Variants in ASIC2 observed in about 807,000 individuals in gnomAD.
The protein encoded by ASIC2 is acid sensing ion channel subunit 2.
In ASIC2, 25 loss-of-function variants were observed where a neutral mutation model predicts 57.3. The observed-to-expected ratio is 0.44, with a 90% CI of 0.32 to 0.61. The LOEUF is 0.61. ASIC2 is among the 20% of genes least tolerant of loss of function. ASIC2 has a pLI of 0.06. For missense variants in ASIC2, 641 were observed against 738.1 expected (o/e 0.87, Z 1.52); for synonymous variants, 319 against 307.5 (o/e 1.04, Z -0.39).
Position 33,158,932 on chromosome 17 carries a change from CTT to C in ASIC2, c.709-46867_709-46866del, listed in dbSNP as rs369354627. Among the ~76,000 whole-genome samples the C allele has an allele frequency of 4.1e-4, 63 of 152,304 alleles. 1 individual carries two copies. The East Asian group carries it at 9.3e-3, about 22-fold the overall frequency. On this transcript the variant is annotated intron_variant, in intron 1 of 9. Coordinates refer to ENST00000225823, the MANE Select transcript of ASIC2 (RefSeq NM_183377.2). ...ATGTGTTGCTGGAGTTTACTGAAGA[CTT>C]TAATTTGGCATTCTAGCACAAAAGT...
At chr17:33,652,240 C>T (rs948163323) in intron 1 of ASIC2, among the ~76,000 whole-genome samples, 1 of 152,196 alleles carries the variant, frequency 6.6e-6, no homozygotes, top group African/African-American at 2.4e-5. Flanking sequence ...GGGCAGGAGA[C>T]TAATCCAAAA....
At position 34,066,108 on chromosome 17, in the gene ASIC2, C is replaced by T. The variant is rs191330216; in HGVS notation, c.555+89870G>A. On this transcript the variant is annotated intron_variant, in intron 1 of 9. Transcript: ENST00000359872. ...AGTCTCAGTTCACACTCTTAACTAC[C>T]GGACATGGTGCCTTTAGAATAACTA... Among the ~76,000 whole-genome samples, 16 of 152,200 alleles carry T rather than the reference C, an allele frequency of 1.1e-4. 1 individual carries two copies. Among genetic ancestry groups the T allele is most frequent in the South Asian group, 4.2e-4 (2 of 4,812 alleles).
chr17:33,094,136 T>C (rs780948384), intron 2 of ASIC2, among the ~76,000 whole-genome samples: 7 of 152,154 alleles, frequency 4.6e-5, no homozygotes, highest in Non-Finnish European at 7.4e-5. Flanking sequence ...GTGCTACGGG[T>C]TTGACTTGCA....
At chr17:33,164,576 G>GTGCACA (rs1905252483) in intron 1 of ASIC2, among the ~76,000 whole-genome samples, 1 of 149,782 alleles carries the variant, frequency 6.7e-6, no homozygotes, top group Non-Finnish European at 1.5e-5. Context: ...GCACATGCAC[G>GTGCACA]CACACACACA....
intron 1 of ASIC2, among the ~76,000 whole-genome samples, chr17:33,365,250 G>A (rs555962204): frequency 7.9e-5 from 12 of 152,266 alleles, no homozygotes; most frequent in South Asian, 6.2e-4. Context: ...CTGACACTCT[G>A]AAGTGTTCCT....
chr17:33,786,719 G>A (rs969843079), intron 1 of ASIC2, among the ~76,000 whole-genome samples: 1 of 152,128 alleles, frequency 6.6e-6, no homozygotes, highest in Non-Finnish European at 1.5e-5. Flanking sequence ...TAAGCCCTGG[G>A]TCATTTTGCT....
At chr17:33,643,860 C>T (rs892678838) in intron 1 of ASIC2, among the ~76,000 whole-genome samples, 16 of 152,082 alleles carry the variant, frequency 1.1e-4, no homozygotes, top group South Asian at 1.0e-3. Flanking sequence ...GTGATAATGA[C>T]GCTCAGTAAT....
chr17:34,117,071 C>T (rs1358732387), intron 1 of ASIC2, among the ~76,000 whole-genome samples: 2 of 151,642 alleles, frequency 1.3e-5, no homozygotes, highest in African/African-American at 4.9e-5. Flanking sequence ...GGAAAGTGTG[C>T]ACACACACAG....
intron 1 of ASIC2, among the ~76,000 whole-genome samples, chr17:33,137,027 G>A (rs1210856536): frequency 6.6e-6 from 1 of 152,166 alleles, no homozygotes; most frequent in East Asian, 1.9e-4. Context: ...TGACAGTCCT[G>A]TTCTAAAGCA....
At chr17:33,991,933 C>T (rs1182172538) in intron 1 of ASIC2, among the ~76,000 whole-genome samples, 1 of 152,134 alleles carries the variant, frequency 6.6e-6, no homozygotes, top group Non-Finnish European at 1.5e-5. Context: ...TGGTGTTCCT[C>T]ATATTAGTAT....
intron 3 of ASIC2, among the ~76,000 whole-genome samples, chr17:33,088,574 A>AT (rs200724635): frequency 2.5e-4 from 38 of 151,790 alleles, no homozygotes; most frequent in Admixed American, 1.1e-3. Flanking sequence ...AAAAAAAAAA[A>AT]TTTTTTTTAA....
intron 1 of ASIC2, chr17:33,131,619 C>T (rs1958481885): frequency 6.6e-6 from 1 of 152,262 alleles, no homozygotes; most frequent in South Asian, 2.1e-4. Flanking sequence ...GCAGGGTAAA[C>T]AGACAGATGC....
chr17:33,531,222 T>C (rs923780452), intron 1 of ASIC2, among the ~76,000 whole-genome samples: 4 of 152,028 alleles, frequency 2.6e-5, no homozygotes, highest in African/African-American at 9.7e-5. Context: ...GACAAGATCA[T>C]AGAACTCCTG....
chr17:33,868,181 A>ATGTGTG (rs142553706), intron 1 of ASIC2, among the ~76,000 whole-genome samples: 6 of 150,236 alleles, frequency 4.0e-5, no homozygotes, highest in African/African-American at 1.5e-4. Context: ...CAACAAATGT[A>ATGTGTG]TGTGTGTGTG....
At chr17:33,186,997 A>G (rs1248494086) in intron 1 of ASIC2, among the ~76,000 whole-genome samples, 2 of 152,194 alleles carry the variant, frequency 1.3e-5, no homozygotes, top group Non-Finnish European at 2.9e-5. Flanking sequence ...GGTTGGACTG[A>G]GAAGAAGCTC....
chr17:33,433,456 C>T (rs1455446901), intron 1 of ASIC2, among the ~76,000 whole-genome samples: 3 of 152,160 alleles, frequency 2.0e-5, no homozygotes. Flanking sequence ...GGGTATTAGG[C>T]TTAATACCTT....
intron 1 of ASIC2, among the ~76,000 whole-genome samples, chr17:34,100,035 C>T (rs1470729861): frequency 6.6e-6 from 1 of 152,130 alleles, no homozygotes; most frequent in African/African-American, 2.4e-5. Context: ...GCAAGGTGAT[C>T]TCCTCTGACC....
intron 2 of ASIC2, among the ~76,000 whole-genome samples, chr17:33,111,557 T>C (rs2092258184): frequency 6.6e-6 from 1 of 152,130 alleles, no homozygotes; most frequent in Admixed American, 6.5e-5. Context: ...GGTCGGGATA[T>C]TCAGGATGAC....
intron 1 of ASIC2, among the ~76,000 whole-genome samples, chr17:33,862,192 C>T (rs1371825216): frequency 6.6e-6 from 1 of 152,172 alleles, no homozygotes; most frequent in East Asian, 1.9e-4. Context: ...GTCAGACTCG[C>T]CATCCTCTGA....
Sources: allele counts gnomAD v4.1 joint callset (sites outside exome capture counted in the v4.1 genomes callset), GRCh38; gene constraint gnomAD v4.1.1; transcripts MANE v1.5; gene names NCBI Gene and HGNC (gene_info 2026-07-23, HGNC 2026-07-21).